SLC36A1: variants seen among roughly 807,000 people sequenced by gnomAD.
SLC36A1 encodes proton-coupled amino acid transporter 1.
Under a neutral mutation model 47.5 loss-of-function variants are expected in SLC36A1, and 30 were observed. The observed-to-expected ratio is 0.63, with a 90% CI of 0.47 to 0.86. SLC36A1 has a LOEUF of 0.86. Ranked by LOEUF, SLC36A1 falls within the 40% of genes least tolerant of loss-of-function variation. The probability of loss-of-function intolerance (pLI) is 0.00; values close to 1 mark genes in which losing one functional copy is unlikely to be tolerated. For missense variants in SLC36A1, 517 were observed against 606.0 expected, an observed-to-expected ratio of 0.85 and a Z score of 1.54; for synonymous variants, 255 against 249.7, an observed-to-expected ratio of 1.02 and a Z score of -0.20.
chr5:151,424,533 A>T, the SLC36A1 span, among the ~76,000 whole-genome samples: 1 of 152,308 alleles, frequency 6.6e-6, no homozygotes, highest in South Asian at 2.1e-4. Context: ...TTTGTCACAG[A>T]CTCATTTTGC....
the SLC36A1 span, among the ~76,000 whole-genome samples, chr5:151,401,738 T>C: frequency 1.3e-5 from 2 of 152,184 alleles, no homozygotes; most frequent in Non-Finnish European, 2.9e-5. Context: ...CCTCCTTAGT[T>C]AGATCTATTC....
At chr5:151,555,337 A>G in the SLC36A1 span, among the ~76,000 whole-genome samples, 1 of 149,744 alleles carries the variant, frequency 6.7e-6, no homozygotes, top group Non-Finnish European at 1.5e-5. Context: ...CTAGAAGGCC[A>G]TTTAGCTACT....
the SLC36A1 span, chr5:151,543,368 C>T: frequency 6.2e-7 from 1 of 1,614,054 alleles, no homozygotes; most frequent in Non-Finnish European, 8.5e-7. Flanking sequence ...TACTCAGATG[C>T]TTTGAACTGT....
the SLC36A1 span, among the ~76,000 whole-genome samples, chr5:151,356,361 G>C: frequency 1.1e-5 from 1 of 94,298 alleles, no homozygotes; most frequent in African/African-American, 3.9e-5. Flanking sequence ...AAAAAAAAAA[G>C]AATACACGAA....
At chr5:151,505,532 G>A in the SLC36A1 span, 2 of 1,612,782 alleles carry the variant, frequency 1.2e-6, no homozygotes, top group Middle Eastern at 1.7e-4. Context: ...CCAGTCCTTG[G>A]CCTCCCGCCT....
At chr5:151,424,757 G>A in the SLC36A1 span, among the ~76,000 whole-genome samples, 1 of 151,972 alleles carries the variant, frequency 6.6e-6, no homozygotes, top group East Asian at 2.0e-4. Flanking sequence ...TTACAAAATT[G>A]TTTAATTTAA....
At chr5:151,350,263 T>C in the SLC36A1 span, among the ~76,000 whole-genome samples, 1 of 152,182 alleles carries the variant, frequency 6.6e-6, no homozygotes, top group Non-Finnish European at 1.5e-5. Flanking sequence ...TGCCAAGCTC[T>C]AGATGAGGTG....
At chr5:151,347,270 A>AT in the SLC36A1 span, 3 of 1,613,904 alleles carry the variant, frequency 1.9e-6, no homozygotes, top group Non-Finnish European at 2.5e-6. Context: ...GAAAGCAGAA[A>AT]TAGGGATGGC....
chr5:151,386,948 C>G, the SLC36A1 span: 1 of 152,270 alleles, frequency 6.6e-6, no homozygotes, highest in Non-Finnish European at 1.5e-5. Flanking sequence ...CAAACATTTA[C>G]TAAGCCTGGA....
rs1012561541 is a variant in SLC36A1 at position 151,467,842 on chromosome 5, C to G, written c.640C>G (p.Leu214Val). ...FLVLLVFIRN[L>V]RALSIFSLLA... ...GGTGCTGCTGGTTTTCATCAGGAAC[C>G]TCCGAGCCCTGTCCATCTTCTCCCT... Residue 214 changes from leucine to valine, a missense_variant, in exon 7 of 11, where the codon CTC becomes GTC. Physicochemically the swap from Leu to Val is conservative, Grantham distance 32 (BLOSUM62 1). Transcript: ENST00000243389. 61 of 1,613,908 alleles carry G rather than the reference C, an allele frequency of 3.8e-5. No individual in the cohort carries two copies. The highest frequency in any genetic ancestry group is 5.1e-5 in the Non-Finnish European group (60 of 1,180,004).
chr5:151,382,359 C>A, the SLC36A1 span: 1 of 771,118 alleles, frequency 1.3e-6, no homozygotes, highest in Non-Finnish European at 2.2e-6. Flanking sequence ...CATGCGCCAG[C>A]TCAAAAATAT....
chr5:151,354,906 C>G, the SLC36A1 span, among the ~76,000 whole-genome samples: 109 of 152,132 alleles, frequency 7.2e-4, 1 homozygote, highest in East Asian at 9.7e-4. Flanking sequence ...AGAATAATTA[C>G]CAGAAAAAAG....
chr5:151,427,333 A>G, the SLC36A1 span, among the ~76,000 whole-genome samples: 1 of 152,186 alleles, frequency 6.6e-6, no homozygotes, highest in Non-Finnish European at 1.5e-5. Flanking sequence ...GTCAAGGGTA[A>G]GTGCTTTTAG....
chr5:151,512,063 T>A, the SLC36A1 span: 1 of 1,107,298 alleles, frequency 9.0e-7, no homozygotes, highest in East Asian at 2.5e-5. This position sits in a 1 kb window ranked among gnomAD's most constrained non-coding sequence, Gnocchi z 4.1. Context: ...AGAGAGAAAT[T>A]TGGAACCAGG....
intron 10 of SLC36A1, among the ~76,000 whole-genome samples, chr5:151,487,319 C>G (rs962692158): frequency 6.6e-6 from 1 of 152,220 alleles, no homozygotes; most frequent in Non-Finnish European, 1.5e-5. Context: ...GGCAGTGCAC[C>G]ATTGGTCTTC....
intron 1 of SLC36A1, among the ~76,000 whole-genome samples, chr5:151,439,583 G>A (rs1008136278): frequency 6.6e-6 from 1 of 151,680 alleles, no homozygotes; most frequent in East Asian, 1.9e-4. Flanking sequence ...AACTCGGAAG[G>A]TGGAGGTGGC....
the SLC36A1 span, chr5:151,544,838 C>T: frequency 4.3e-6 from 7 of 1,614,200 alleles, no homozygotes; most frequent in Non-Finnish European, 5.9e-6. Flanking sequence ...CCCAAGTCCT[C>T]ATCAGTGGCA....
At chr5:151,538,548 G>A in the SLC36A1 span, among the ~76,000 whole-genome samples, 12 of 152,202 alleles carry the variant, frequency 7.9e-5, no homozygotes, top group African/African-American at 2.9e-4. Context: ...AAAGGCTGGA[G>A]CTCCCTGAGA....
At chr5:151,550,455 C>G in the SLC36A1 span, 1 of 1,010,288 alleles carries the variant, frequency 9.9e-7, no homozygotes, top group Non-Finnish European at 1.4e-6. Context: ...CCTTAGCCAG[C>G]TGTGAAATGT....
Sources: gnomAD v4.1 joint callset for allele counts (sites outside exome capture counted in the v4.1 genomes callset) on GRCh38, gnomAD v4.1.1 for gene constraint, Gnocchi (gnomAD v3.1) non-coding constraint, MANE v1.5 for transcripts, NCBI Gene and HGNC (gene_info 2026-07-23, HGNC 2026-07-21) for gene names.